PEAK1: variants seen among roughly 807,000 people sequenced by gnomAD.
The protein encoded by PEAK1 is pseudopodium enriched atypical kinase 1, also known as inactive tyrosine-protein kinase PEAK1.
In PEAK1, 54 loss-of-function variants were observed where a neutral mutation model predicts 124.7. That is an observed-to-expected ratio of 0.43 (90% CI 0.35 to 0.54). The LOEUF is 0.54. Among genes scored for constraint, PEAK1 ranks in the 20% least tolerant of loss-of-function variants. PEAK1 has a pLI of 0.01. For synonymous variants in PEAK1, 719 were observed against 760.0 expected, an observed-to-expected ratio of 0.95 and a Z score of 0.89; for missense variants, 2,046 against 2,134.5, an observed-to-expected ratio of 0.96 and a Z score of 0.82.
intron 2 of PEAK1, chr15:77,334,331 T>C (rs2066066619): frequency 1.0e-6 from 1 of 985,326 alleles, no homozygotes; most frequent in South Asian, 4.7e-5. Flanking sequence ...TGCCCAACCA[T>C]GTAGTGTTTC....
rs933996108 is a variant in PEAK1 at position 77,336,323 on chromosome 15, G to C, written c.-603+28840C>G. The C allele has an allele frequency of 2.1e-5, 21 of 985,224 alleles. No individual in the cohort carries two copies. The African/African-American group carries it at 3.5e-4, about 16-fold the overall frequency. The allele number at this position is 985,224 out of a possible 1,614,324, so 61.0% of individuals were successfully genotyped here. A position where few individuals can be genotyped will look rare whatever the true frequency, so the allele number is the denominator to read the frequency against. On this transcript the variant is annotated intron_variant, in intron 2 of 9. Transcript: ENST00000682557. The stretch of plus-strand genomic sequence containing the variant: ...GGTAGGCAGAGTTACTTGCAACGAG[G>C]GCTCACCCTCATATTCTCTCACCAA...
In PEAK1 at chr15:77,349,283, C is replaced by G. The variant is rs563845816; in HGVS notation, c.-603+15880G>C. ...CTCGATCTTCTGACCTTACGATCTG[C>G]CCGCCTCGGCCTCCCAAAGTGCTGG... On this transcript the variant is annotated intron_variant, in intron 2 of 9. Coordinates refer to ENST00000682557, the MANE Select transcript of PEAK1 (RefSeq NM_001385026.1). 2.1e-5 allele frequency: 15 copies of G among 719,994 alleles called. No individual in the cohort carries two copies. The South Asian group carries it at 7.5e-4, about 36-fold the overall frequency. 44.6% of individuals were successfully genotyped at this position (719,994 alleles called of 1,614,324 possible).
intron 6 of PEAK1, among the ~76,000 whole-genome samples, chr15:77,184,998 T>G (rs2057468702): frequency 6.6e-6 from 1 of 152,166 alleles, no homozygotes; most frequent in African/African-American, 2.4e-5. Context: ...GAAAATGGAC[T>G]CGGGAAGAAC....
chr15:77,158,821 G>C (rs563397251), intron 7 of PEAK1, 125 bp from the exon 8 acceptor site: 1 of 868,892 alleles, frequency 1.2e-6, no homozygotes, highest in African/African-American at 1.7e-5. Context: ...ACACTTGTCT[G>C]AACACAAGGC....
intron 2 of PEAK1, chr15:77,347,310 A>C: frequency 1.0e-6 from 1 of 985,270 alleles, no homozygotes; most frequent in Non-Finnish European, 1.2e-6. Context: ...AGTAATGACC[A>C]CCAGGAAACC....
intron 2 of PEAK1, among the ~76,000 whole-genome samples, chr15:77,361,753 T>C (rs1324540512): frequency 6.6e-6 from 1 of 152,212 alleles, no homozygotes; most frequent in Non-Finnish European, 1.5e-5. Context: ...ACTATCATTA[T>C]ATCAAAGAGA....
intron 9 of PEAK1, among the ~76,000 whole-genome samples, chr15:77,126,496 C>T (rs1305902953): frequency 1.3e-5 from 2 of 152,116 alleles, no homozygotes; most frequent in African/African-American, 4.8e-5. Flanking sequence ...CTAATATGCT[C>T]AAGCCAAAGC....
chr15:77,323,774 A>C (rs904129128), intron 2 of PEAK1, among the ~76,000 whole-genome samples: 3 of 152,192 alleles, frequency 2.0e-5, no homozygotes, highest in Non-Finnish European at 4.4e-5. Context: ...ACAGAATTGG[A>C]AAAAACTACT....
In PEAK1 at chr15:77,114,000, G is replaced by T; in HGVS notation, c.*156C>A. 1 of 747,366 alleles carries T rather than the reference G, an allele frequency of 1.3e-6. No homozygotes were observed. The highest frequency in any genetic ancestry group is 2.2e-6 in the Non-Finnish European group (1 of 458,592). 46.3% of individuals were successfully genotyped at this position (747,366 alleles called of 1,614,324 possible). ...TCAGCTTCTCATTCAATCTGGGGCA[G>T]TGGATAACCTTTCTGAATAGACCCA... On this transcript the variant is annotated 3_prime_UTR_variant, in exon 10 of 10. Coordinates refer to ENST00000682557, the MANE Select transcript of PEAK1 (RefSeq NM_001385026.1).
rs1447851206 is a variant in PEAK1, at chr15:77,216,369, T to C, written c.-114-34329A>G. ...ACTAAGTTGTGATAGCATGTCTGAA[T>C]GGGATCTAGTTTAAGGTGTTAAGAA... On this transcript the variant is annotated intron_variant, in intron 6 of 9. Transcript: ENST00000682557. Among the ~76,000 whole-genome samples, 7 of 152,234 alleles carry C rather than the reference T, an allele frequency of 4.6e-5. No individual in the cohort carries two copies. The East Asian group carries it at 1.2e-3, about 25-fold the overall frequency.
intron 8 of PEAK1, among the ~76,000 whole-genome samples, chr15:77,138,329 A>G (rs1408561545): frequency 6.6e-6 from 1 of 152,190 alleles, no homozygotes; most frequent in East Asian, 1.9e-4. Context: ...TGAGTCACCG[A>G]GTGAGTGGTG....
At position 77,114,121 on chromosome 15, in the gene PEAK1, G is replaced by A. The variant is rs1272738183; in HGVS notation, c.*35C>T. ...GAAGTGCATGGGTGACATGAAGAAG[G>A]TGAAGATGTAGTAAAAGCATCATCC... On this transcript the variant is annotated 3_prime_UTR_variant, in exon 10 of 10. Coordinates refer to ENST00000682557, the MANE Select transcript of PEAK1 (RefSeq NM_001385026.1). 5.0e-6 allele frequency: 8 copies of A among 1,592,998 alleles called. No homozygotes were observed. The highest frequency in any genetic ancestry group is 6.9e-6 in the Non-Finnish European group (8 of 1,164,628).
intron 1 of PEAK1, among the ~76,000 whole-genome samples, chr15:77,411,968 A>G (rs2072453223): frequency 6.6e-6 from 1 of 152,152 alleles, no homozygotes; most frequent in Non-Finnish European, 1.5e-5. Flanking sequence ...TCTCTTTTTA[A>G]GTCTGTAATT....
chr15:77,414,648 A>C, intron 1 of PEAK1, among the ~76,000 whole-genome samples: 1 of 152,192 alleles, frequency 6.6e-6, no homozygotes, highest in East Asian at 1.9e-4. Flanking sequence ...TCTAATCCTC[A>C]GTTTCTTCAT....
Position 77,180,299 on chromosome 15 carries a change from T to C in PEAK1, c.1628A>G (p.Gln543Arg). 1 of 1,614,170 alleles carries C rather than the reference T, an allele frequency of 6.2e-7. No individual in the cohort carries two copies. Among genetic ancestry groups the C allele is most frequent in the Non-Finnish European group, 8.5e-7 (1 of 1,180,002 alleles). The change falls in exon 7 of 10, where the codon CAA (glutamine) becomes CGA (arginine). Residue 543 changes from glutamine (Q) to arginine (R), a missense_variant. Transcript: ENST00000682557. The part of the protein sequence containing the change: ...EVWTSSTSPR[Q>R]KIPKVELITS... ...AATTAGTTCTACTTTAGGTATCTTT[T>C]GTCGTGGACTGGTGCTAGAAGTCCA...
intron 4 of PEAK1, 59 bp from the exon 5 acceptor site, chr15:77,284,089 CAGCT>C: frequency 1.1e-6 from 1 of 897,708 alleles, no homozygotes; most frequent in Non-Finnish European, 1.3e-6. Context: ...TAGTCTAGCC[CAGCT>C]ATATGACCAA....
intron 6 of PEAK1, among the ~76,000 whole-genome samples, chr15:77,208,469 C>T (rs1306932886): frequency 2.0e-5 from 3 of 152,260 alleles, no homozygotes; most frequent in East Asian, 1.9e-4. Context: ...TTTGGGAAAA[C>T]GATACCGTCA....
chr15:77,246,902 T>C (rs140894443), intron 6 of PEAK1, among the ~76,000 whole-genome samples: 59 of 152,088 alleles, frequency 3.9e-4, no homozygotes, highest in Admixed American at 7.2e-4. Flanking sequence ...CCTGCAATCC[T>C]AGCTACTCAA....
intron 8 of PEAK1, among the ~76,000 whole-genome samples, chr15:77,141,205 T>C (rs2053759552): frequency 6.6e-6 from 1 of 152,178 alleles, no homozygotes. Context: ...GTTTACAGGA[T>C]ACAAGATCAA....
Sources: gnomAD v4.1 joint callset for allele counts (sites outside exome capture counted in the v4.1 genomes callset) on GRCh38, gnomAD v4.1.1 for gene constraint, MANE v1.5 for transcripts, NCBI Gene and HGNC (gene_info 2026-07-23, HGNC 2026-07-21) for gene names.